The following TMEM150C variants were observed in gnomAD, a reference collection of about 807,000 sequenced individuals.
TMEM150C encodes the protein tentonin 3.
A neutral mutation model predicts 29.9 loss-of-function variants in TMEM150C; 10 were observed. The ratio of observed to expected loss-of-function variants is 0.33; its 90% CI spans 0.21 to 0.57. The LOEUF is 0.57. TMEM150C is among the 20% of genes least tolerant of loss of function. The pLI is 0.88. For synonymous variants in TMEM150C, 101 were observed against 112.5 expected (o/e 0.90, Z 0.64); for missense variants, 251 against 303.6 (o/e 0.83, Z 1.29).
chr4:82,505,738 T>C (rs1723897720), intron 1 of TMEM150C, among the ~76,000 whole-genome samples: 1 of 152,064 alleles, frequency 6.6e-6, no homozygotes, highest in South Asian at 2.1e-4. Context: ...CTGAAAAAAA[T>C]ACATATGTCT....
At chr4:82,551,730 T>G (rs1725590078) in intron 1 of TMEM150C, among the ~76,000 whole-genome samples, 1 of 152,122 alleles carries the variant, frequency 6.6e-6, no homozygotes, top group African/African-American at 2.4e-5. Context: ...CTCATGTTCT[T>G]ATGGTACCCT....
chr4:82,523,027 G>C (rs886538393), intron 1 of TMEM150C, among the ~76,000 whole-genome samples: 1 of 152,170 alleles, frequency 6.6e-6, no homozygotes, highest in Non-Finnish European at 1.5e-5. Flanking sequence ...CCAAAGTTTA[G>C]TCACATGAAG....
chr4:82,491,478 C>T (rs564752900), intron 6 of TMEM150C: 11 of 686,980 alleles, frequency 1.6e-5, no homozygotes, highest in African/African-American at 5.3e-5. Flanking sequence ...TTTCACAAAG[C>T]GAGTGAGGTC....
At chr4:82,547,399 G>T (rs920727346) in intron 1 of TMEM150C, among the ~76,000 whole-genome samples, 1 of 151,980 alleles carries the variant, frequency 6.6e-6, no homozygotes, top group Non-Finnish European at 1.5e-5. Context: ...GACCAGTCTG[G>T]CCAATATGGT....
intron 1 of TMEM150C, among the ~76,000 whole-genome samples, chr4:82,538,488 T>C (rs1413449875): frequency 6.6e-6 from 1 of 152,210 alleles, no homozygotes; most frequent in Non-Finnish European, 1.5e-5. Context: ...GAATTTCTAA[T>C]GCCATAGGAA....
chr4:82,524,131 G>A (rs1724578372), intron 1 of TMEM150C, among the ~76,000 whole-genome samples: 1 of 151,264 alleles, frequency 6.6e-6, no homozygotes, highest in Admixed American at 6.6e-5. Flanking sequence ...AGCAGGGCGT[G>A]GTGGTGGGTG....
chr4:82,535,813 C>T (rs556951601), intron 1 of TMEM150C, among the ~76,000 whole-genome samples: 2 of 152,236 alleles, frequency 1.3e-5, no homozygotes, highest in South Asian at 2.1e-4. Context: ...AATAGGGTTT[C>T]TCAGCAGAGG....
At chr4:82,525,316 T>C (rs1213453863) in intron 1 of TMEM150C, among the ~76,000 whole-genome samples, 1 of 152,220 alleles carries the variant, frequency 6.6e-6, no homozygotes, top group East Asian at 1.9e-4. Flanking sequence ...GATATGTAAA[T>C]GAAAGTACAT....
intron 2 of TMEM150C, 65 bp from the exon 3 acceptor site, chr4:82,503,177 T>G (rs973591023): frequency 8.5e-7 from 1 of 1,174,746 alleles, no homozygotes. Flanking sequence ...GTTTCCCAGT[T>G]TTATTAAACT....
At chr4:82,535,320 A>G (rs917423176) in intron 1 of TMEM150C, among the ~76,000 whole-genome samples, 4 of 152,172 alleles carry the variant, frequency 2.6e-5, no homozygotes, top group Non-Finnish European at 5.9e-5. Context: ...ATGGAGAAAA[A>G]CAGGGCTGAA....
intron 5 of TMEM150C, among the ~76,000 whole-genome samples, chr4:82,499,719 C>CAAAAAAAAAA (rs1197264258): frequency 5.0e-5 from 2 of 40,296 alleles, no homozygotes; most frequent in African/African-American, 1.1e-4. Flanking sequence ...ACTCCGTCTC[C>CAAAAAAAAAA]AAAAAAAAAA....
At chr4:82,533,819 T>C (rs756016026) in intron 1 of TMEM150C, among the ~76,000 whole-genome samples, 1 of 152,334 alleles carries the variant, frequency 6.6e-6, no homozygotes, top group Non-Finnish European at 1.5e-5. Context: ...CGCAGAAATG[T>C]TATCCGCACA....
intron 1 of TMEM150C, among the ~76,000 whole-genome samples, chr4:82,509,981 C>G (rs1724068542): frequency 6.6e-6 from 1 of 152,106 alleles, no homozygotes; most frequent in African/African-American, 2.4e-5. Flanking sequence ...TTTTATCAAG[C>G]AGCAAATGGA....
In TMEM150C at chr4:82,490,383, G is replaced by T. The variant is rs1036994085; in HGVS notation, c.364-145C>A. On this transcript the variant is annotated intron_variant, in intron 6 of 7. Transcript: ENST00000449862. ...TAGATTGCAGAAAGATTAGCTCTTCGTTCTATTCTCAAATGGTTTGAACTC... is the reference window on the plus strand; with the variant it reads ...TAGATTGCAGAAAGATTAGCTCTTCTTTCTATTCTCAAATGGTTTGAACTC... 3.0e-5 allele frequency: 22 copies of T among 745,262 alleles called. No individual in the cohort carries two copies. In the African/African-American group the frequency reaches 3.5e-4, roughly 12 times the overall value. The allele number at this position is 745,262 out of a possible 1,614,324, so 46.2% of individuals were successfully genotyped here.
chr4:82,528,265 A>ATG (rs1354995922), intron 1 of TMEM150C, among the ~76,000 whole-genome samples: 4 of 152,212 alleles, frequency 2.6e-5, no homozygotes, highest in Non-Finnish European at 5.9e-5. Flanking sequence ...GGGGCTCTCG[A>ATG]ACTTCAGCAG....
intron 5 of TMEM150C, 144 bp from the exon 6 acceptor site, chr4:82,496,339 T>TA: frequency 1.3e-6 from 1 of 779,206 alleles, no homozygotes; most frequent in Non-Finnish European, 2.0e-6. Context: ...TGTGCAAAAT[T>TA]AAACTTTTCA....
At chr4:82,497,623 G>T (rs969042985) in intron 5 of TMEM150C, among the ~76,000 whole-genome samples, 1 of 152,156 alleles carries the variant, frequency 6.6e-6, no homozygotes, top group Admixed American at 6.5e-5. Flanking sequence ...ATCTCAAATT[G>T]TTCAGCCCTG....
At chr4:82,521,041 T>C (rs1324443099) in intron 1 of TMEM150C, among the ~76,000 whole-genome samples, 3 of 152,098 alleles carry the variant, frequency 2.0e-5, no homozygotes, top group African/African-American at 7.2e-5. Context: ...GCCACACATA[T>C]GGTGTACTGT....
chr4:82,519,839 A>G (rs1724427708), intron 1 of TMEM150C, among the ~76,000 whole-genome samples: 1 of 152,248 alleles, frequency 6.6e-6, no homozygotes, highest in Non-Finnish European at 1.5e-5. Flanking sequence ...CTATAATAAT[A>G]TGCTGTAATA....
Sources: allele counts gnomAD v4.1 joint callset (sites outside exome capture counted in the v4.1 genomes callset), GRCh38; gene constraint gnomAD v4.1.1; transcripts MANE v1.5; gene names NCBI Gene and HGNC (gene_info 2026-07-23, HGNC 2026-07-21).